SNTG1: variants seen among roughly 807,000 people sequenced by gnomAD.
The protein encoded by SNTG1 is gamma-1-syntrophin.
SNTG1 carries 39 observed loss-of-function variants against 74.7 expected under a neutral mutation model. That is an observed-to-expected ratio of 0.52 (90% CI 0.40 to 0.68). The LOEUF (loss-of-function observed/expected upper bound fraction) is 0.68. Ranked by LOEUF, SNTG1 falls within the 30% of genes least tolerant of loss-of-function variation. SNTG1 has a pLI of 0.00. For synonymous variants in SNTG1, 254 were observed against 217.1 expected (o/e 1.17, Z -1.49); for missense variants, 685 against 609.5 (o/e 1.12, Z -1.30).
At chr8:50,303,186 T>C (rs1306205660) in intron 2 of SNTG1, among the ~76,000 whole-genome samples, 2 of 152,156 alleles carry the variant, frequency 1.3e-5, no homozygotes, top group African/African-American at 4.8e-5. Context: ...CACAATGGAC[T>C]CCCTGATTAT....
At chr8:50,596,223 T>C (rs2094726155) in intron 13 of SNTG1, among the ~76,000 whole-genome samples, 1 of 152,068 alleles carries the variant, frequency 6.6e-6, no homozygotes. Flanking sequence ...CATCTTTTCA[T>C]GTGCTTATTT....
chr8:50,795,080 A>G lies in SNTG1; in HGVS notation c.*2251A>G, dbSNP rs933650706. ...TACATGGGTGTATATATATATAAAT[A>G]TAATGAAATGCTGACCATTAATTAT... On this transcript the variant is annotated 3_prime_UTR_variant, in exon 19 of 19. Transcript: ENST00000642720. 2.0e-5 allele frequency: 3 copies of G among 152,070 alleles called. No homozygotes were observed. In the South Asian group the frequency reaches 6.2e-4, roughly 31 times the overall value. The allele number at this position is 152,070 out of a possible 1,614,324, so 9.4% of individuals were successfully genotyped here. A position where few individuals can be genotyped will look rare whatever the true frequency, so the allele number is the denominator to read the frequency against.
chr8:50,577,364 AC>A (rs2094582586), intron 12 of SNTG1, among the ~76,000 whole-genome samples: 1 of 151,924 alleles, frequency 6.6e-6, no homozygotes, highest in African/African-American at 2.4e-5. Flanking sequence ...GTGCTGTTGC[AC>A]TGTTGAATGT....
chr8:50,607,724 T>C (rs997992192), intron 13 of SNTG1, among the ~76,000 whole-genome samples: 5 of 151,618 alleles, frequency 3.3e-5, no homozygotes, highest in South Asian at 4.1e-4. Context: ...CCAATATTTA[T>C]TTATGGATAT....
At chr8:50,090,926 T>C (rs943246216) in intron 1 of SNTG1, among the ~76,000 whole-genome samples, 2 of 152,128 alleles carry the variant, frequency 1.3e-5, no homozygotes. Context: ...AAAATTATGC[T>C]TTTGGAAAAT....
rs761271377 is a variant in SNTG1 at position 50,402,192 on chromosome 8, T to C, written c.28-18T>C. The C allele has an allele frequency of 6.3e-7, 1 of 1,580,454 alleles. No individual in the cohort carries two copies. The highest frequency in any genetic ancestry group is 8.5e-7 in the Non-Finnish European group (1 of 1,171,058). On this transcript the variant is annotated intron_variant, in intron 3 of 18. Transcript: ENST00000642720. The stretch of plus-strand genomic sequence containing the variant: ...AAGTATAATTTTTCCTCTGTTTGTT[T>C]TTTTTTTTAATCTGAAGACAAAGAC...
chr8:50,258,828 T>A (rs2087010369), intron 2 of SNTG1, among the ~76,000 whole-genome samples: 1 of 152,066 alleles, frequency 6.6e-6, no homozygotes, highest in Non-Finnish European at 1.5e-5. Flanking sequence ...ATAATGAGAT[T>A]ACCGCCTGAT....
In SNTG1 at chr8:50,425,259, CTG is replaced by C. The variant is rs757063293; in HGVS notation, c.163-13283_163-13282del. ...ACTGGTACCAGTCAGCAGGAGGTGA[CTG>C]CTGCTGGTCACACAGCAGGAGGTGA... On this transcript the variant is annotated intron_variant, in intron 4 of 18. Coordinates refer to ENST00000642720, the MANE Select transcript of SNTG1 (RefSeq NM_018967.5). Among the ~76,000 whole-genome samples the C allele has an allele frequency of 7.5e-4, 3 of 4,022 alleles. No individual in the cohort carries two copies. In the East Asian group the frequency reaches 0.036, roughly 48 times the overall value. The allele number at this position is 4,022 out of a possible 152,430, so 2.6% of individuals were successfully genotyped here. A position where few individuals can be genotyped will look rare whatever the true frequency, so the allele number is the denominator to read the frequency against.
At chr8:50,427,814 T>C (rs1381864967) in intron 4 of SNTG1, among the ~76,000 whole-genome samples, 1 of 152,244 alleles carries the variant, frequency 6.6e-6, no homozygotes, top group Non-Finnish European at 1.5e-5. Flanking sequence ...GAGGCACTGT[T>C]GGGACTATAT....
intron 17 of SNTG1, among the ~76,000 whole-genome samples, chr8:50,746,180 C>G (rs1197517468): frequency 6.6e-6 from 1 of 151,670 alleles, no homozygotes; most frequent in African/African-American, 2.4e-5. Context: ...TTTGACTGTT[C>G]TTATACAAAT....
intron 2 of SNTG1, among the ~76,000 whole-genome samples, chr8:50,272,895 C>A (rs1336501886): frequency 1.6e-5 from 2 of 128,762 alleles, no homozygotes; most frequent in African/African-American, 5.6e-5. Flanking sequence ...TGCCACCATG[C>A]CTGGATACTT....
At chr8:50,274,302 G>T (rs2087966086) in intron 2 of SNTG1, among the ~76,000 whole-genome samples, 1 of 151,916 alleles carries the variant, frequency 6.6e-6, no homozygotes, top group African/African-American at 2.4e-5. Flanking sequence ...GGCCAGGCTG[G>T]TCTCAAACTC....
intron 1 of SNTG1, among the ~76,000 whole-genome samples, chr8:49,981,156 T>C (rs974474387): frequency 3.3e-5 from 5 of 152,184 alleles, no homozygotes; most frequent in Admixed American, 3.3e-4. Context: ...AGGAAAGCCA[T>C]GTGAGTTAAA....
chr8:50,199,636 T>C (rs2083911060), intron 2 of SNTG1, among the ~76,000 whole-genome samples: 2 of 152,098 alleles, frequency 1.3e-5, no homozygotes, highest in Admixed American at 1.3e-4. Flanking sequence ...TCCTTGTGAG[T>C]ACAGATTCTA....
At chr8:50,691,373 G>A (rs529057833) in intron 15 of SNTG1, among the ~76,000 whole-genome samples, 18 of 152,256 alleles carry the variant, frequency 1.2e-4, no homozygotes, top group Admixed American at 1.0e-3. Context: ...GCATATTTTT[G>A]CAGTGGCTGG....
chr8:50,387,730 G>A (rs1414950070), intron 2 of SNTG1, among the ~76,000 whole-genome samples: 2 of 152,128 alleles, frequency 1.3e-5, no homozygotes, highest in African/African-American at 4.8e-5. Context: ...TTTTGAAGTG[G>A]AACACACGTT....
chr8:50,028,511 G>A (rs891678079), intron 1 of SNTG1, among the ~76,000 whole-genome samples: 1 of 145,262 alleles, frequency 6.9e-6, no homozygotes, highest in African/African-American at 2.5e-5. Context: ...CGTTGCAGGT[G>A]TATCTTTAAA....
chr8:50,530,088 T>G, intron 9 of SNTG1, 89 bp from the exon 10 acceptor site: 2 of 1,035,094 alleles, frequency 1.9e-6, no homozygotes, highest in Non-Finnish European at 3.0e-6. Context: ...TTGATATTAC[T>G]GAGTATCCTT....
At chr8:50,766,847 T>C (rs2095615136) in intron 18 of SNTG1, among the ~76,000 whole-genome samples, 1 of 151,934 alleles carries the variant, frequency 6.6e-6, no homozygotes, top group African/African-American at 2.4e-5. Context: ...ATATATTTAA[T>C]AAAGTGCTAC....
Sources: gnomAD v4.1 joint callset for allele counts (sites outside exome capture counted in the v4.1 genomes callset) on GRCh38, gnomAD v4.1.1 for gene constraint, MANE v1.5 for transcripts, NCBI Gene and HGNC (gene_info 2026-07-23, HGNC 2026-07-21) for gene names.